The following MYO1E variants were observed in gnomAD, a reference collection of about 807,000 sequenced individuals.
MYO1E encodes unconventional myosin-Ie.
Under a neutral mutation model 151.1 loss-of-function variants are expected in MYO1E, and 68 were observed. The observed-to-expected ratio is 0.45, with a 90% CI of 0.37 to 0.55. The LOEUF (loss-of-function observed/expected upper bound fraction) is 0.55, where lower values mean the gene tolerates loss of function less well. Ranked by LOEUF, MYO1E falls within the 20% of genes least tolerant of loss-of-function variation. MYO1E has a pLI of 0.00. For missense variants in MYO1E, 1,363 were observed against 1,389.3 expected (o/e 0.98, Z 0.30); for synonymous variants, 601 against 501.7 (o/e 1.20, Z -2.64).
intron 1 of MYO1E, among the ~76,000 whole-genome samples, chr15:59,314,496 C>T (rs1399615272): frequency 2.0e-5 from 3 of 152,128 alleles, no homozygotes; most frequent in Non-Finnish European, 4.4e-5. Context: ...GCCACCCTGC[C>T]ACCTGGTCAC....
intron 12 of MYO1E, 67 bp from the exon 13 acceptor site, chr15:59,210,667 T>G: frequency 1.8e-6 from 2 of 1,097,798 alleles, no homozygotes; most frequent in South Asian, 2.5e-5. Flanking sequence ...GGACAGACCC[T>G]GAATGGACAA....
At chr15:59,275,931 C>G (rs189530943) in intron 1 of MYO1E, among the ~76,000 whole-genome samples, 115 of 152,268 alleles carry the variant, frequency 7.6e-4, no homozygotes, top group African/African-American at 2.5e-3. Flanking sequence ...TCCAGAGGCA[C>G]ACAGCCTCTG....
At chr15:59,208,013 C>A (rs2140338403) in intron 14 of MYO1E, 2 of 1,607,986 alleles carry the variant, frequency 1.2e-6, no homozygotes, top group East Asian at 2.2e-5. Context: ...ATAAAGCTGA[C>A]CCCTGAAGAA....
chr15:59,314,512 A>T (rs1432332106), intron 1 of MYO1E, among the ~76,000 whole-genome samples: 1 of 152,142 alleles, frequency 6.6e-6, no homozygotes, highest in African/African-American at 2.4e-5. Context: ...GTCACAGGAG[A>T]AGGCCTCTGA....
intron 13 of MYO1E, among the ~76,000 whole-genome samples, chr15:59,210,054 A>C (rs2079869425): frequency 6.6e-6 from 1 of 151,728 alleles, no homozygotes; most frequent in South Asian, 2.1e-4. Flanking sequence ...TGTGTTTAGA[A>C]ATAGGGTTTC....
At chr15:59,271,540 A>G (rs757244201) in intron 2 of MYO1E, among the ~76,000 whole-genome samples, 12 of 152,214 alleles carry the variant, frequency 7.9e-5, no homozygotes, top group Non-Finnish European at 1.5e-4. Context: ...AACTTAAGCA[A>G]ATATCACAGT....
Position 59,333,264 on chromosome 15 carries a change from G to C in MYO1E, c.3+39234C>G, listed in dbSNP as rs112046516. Among the ~76,000 whole-genome samples, 1,126 of 152,054 alleles carry C rather than the reference G, an allele frequency of 7.4e-3. 12 individuals are homozygous for C. The highest frequency in any genetic ancestry group is 0.023 in the African/African-American group (955 of 41,462). On this transcript the variant is annotated intron_variant, in intron 1 of 27. Transcript: ENST00000288235. ...TTTTTCTTTTTCTTTTTTGGAGACAGGGCCTCGCTCTGTTACCCAGGCTGG... is the reference window on the plus strand; with the variant it reads ...TTTTTCTTTTTCTTTTTTGGAGACACGGCCTCGCTCTGTTACCCAGGCTGG...
chr15:59,249,367 G>C (rs533505060), intron 4 of MYO1E, among the ~76,000 whole-genome samples: 1 of 151,016 alleles, frequency 6.6e-6, no homozygotes, highest in African/African-American at 2.4e-5. Context: ...AGAGGTTGCA[G>C]TGAGCTGAGA....
chr15:59,321,567 A>T (rs2140417066), intron 1 of MYO1E, among the ~76,000 whole-genome samples: 1 of 152,338 alleles, frequency 6.6e-6, no homozygotes, highest in Non-Finnish European at 1.5e-5. Flanking sequence ...TATCATAAGC[A>T]AATTAATGCA....
chr15:59,276,680 A>G (rs2080321295), intron 1 of MYO1E, among the ~76,000 whole-genome samples: 1 of 152,214 alleles, frequency 6.6e-6, no homozygotes, highest in African/African-American at 2.4e-5. Context: ...AACATTTAAG[A>G]GGTGGAACCC....
rs56164138 is a variant in MYO1E, at chr15:59,236,369, TACACACACACACACACACACACACAC to T, written c.420+190_420+215del. Among the ~76,000 whole-genome samples the T allele has an allele frequency of 0.041, 4,840 of 117,754 alleles. 280 individuals carry two copies. The highest frequency in any genetic ancestry group is 0.07 in the Middle Eastern group (16 of 228). 77.3% of individuals were successfully genotyped at this position (117,754 alleles called of 152,430 possible). ...TCAAAAAAGAAAAAAAAAAAATATATACACACACACACACACACACACACACACACACACACACACACACACACACA... is the reference window on the plus strand; with the variant it reads ...TCAAAAAAGAAAAAAAAAAAATATATACACACACACACACACACACACACA... On this transcript the variant is annotated intron_variant, in intron 5 of 27. Coordinates refer to ENST00000288235, the MANE Select transcript of MYO1E (RefSeq NM_004998.4).
rs1290267352 is a variant in MYO1E at position 59,216,594 on chromosome 15, G to GTATCTATCTATCTATCTATC, written c.1107+1277_1107+1296dup. Among the ~76,000 whole-genome samples, 350 of 100,454 alleles carry GTATCTATCTATCTATCTATC rather than the reference G, an allele frequency of 3.5e-3. 4 individuals are homozygous for GTATCTATCTATCTATCTATC. Among genetic ancestry groups the GTATCTATCTATCTATCTATC allele is most frequent in the African/African-American group, 0.012 (330 of 27,026 alleles). The allele number at this position is 100,454 out of a possible 152,430, so 65.9% of individuals were successfully genotyped here. A position where few individuals can be genotyped will look rare whatever the true frequency, so the allele number is the denominator to read the frequency against. ...TAAGAGTTTATGTGTGTGTGTGTGT[G>GTATCTATCTATCTATCTATC]TATCTATCTATCTATCTATCTATCT... On this transcript the variant is annotated intron_variant, in intron 10 of 27. Coordinates refer to ENST00000288235, the MANE Select transcript of MYO1E (RefSeq NM_004998.4).
rs1326421602 is a variant in MYO1E at position 59,308,573 on chromosome 15, G to A, written c.4-36124C>T. On this transcript the variant is annotated intron_variant, in intron 1 of 27. Coordinates refer to ENST00000288235, the MANE Select transcript of MYO1E (RefSeq NM_004998.4). ...TGTAATCCCAGCTACATGGGAGGCT[G>A]AGGCAGGAGAATCACTTGAACCCGG... Among the ~76,000 whole-genome samples, 4 of 152,092 alleles carry A rather than the reference G, an allele frequency of 2.6e-5. No individual in the cohort carries two copies. The East Asian group carries it at 7.7e-4, about 29-fold the overall frequency.
In MYO1E at chr15:59,319,550, C is replaced by CTTTTTTTTTTTTTTTTTTTTT. The variant is rs59491381; in HGVS notation, c.4-47122_4-47102dup. Among the ~76,000 whole-genome samples the CTTTTTTTTTTTTTTTTTTTTT allele has an allele frequency of 3.0e-4, 19 of 63,720 alleles. 2 individuals carry two copies. Among genetic ancestry groups the CTTTTTTTTTTTTTTTTTTTTT allele is most frequent in the South Asian group, 1.8e-3 (3 of 1,696 alleles). The allele number at this position is 63,720 out of a possible 152,430, so 41.8% of individuals were successfully genotyped here. ...AAGATAGGAAAAGAAGTCAAACTAC[C>CTTTTTTTTTTTTTTTTTTTTT]TTTTTTTTTTTTTTTTTTTTTTTTT... On this transcript the variant is annotated intron_variant, in intron 1 of 27. Coordinates refer to ENST00000288235, the MANE Select transcript of MYO1E (RefSeq NM_004998.4).
chr15:59,315,927 A>G (rs1416280785), intron 1 of MYO1E, among the ~76,000 whole-genome samples: 2 of 152,188 alleles, frequency 1.3e-5, no homozygotes, highest in Non-Finnish European at 1.5e-5. Flanking sequence ...ATAAGCTGCG[A>G]TCCATCAGCT....
intron 2 of MYO1E, among the ~76,000 whole-genome samples, chr15:59,264,508 G>T (rs1566995909): frequency 1.3e-5 from 2 of 152,178 alleles, no homozygotes; most frequent in African/African-American, 2.4e-5. Flanking sequence ...TTCCAAATAA[G>T]TATGTTCCCC....
intron 14 of MYO1E, chr15:59,207,356 A>G: frequency 6.2e-7 from 1 of 1,614,036 alleles, no homozygotes; most frequent in South Asian, 1.1e-5. Context: ...GCAAACTCCA[A>G]CCTAGTGATT....
chr15:59,167,791 C>T (rs1027869132), intron 22 of MYO1E, among the ~76,000 whole-genome samples: 3 of 152,188 alleles, frequency 2.0e-5, no homozygotes, highest in Admixed American at 6.5e-5. Context: ...ATTCTCCTGC[C>T]GCAGCCTCCT....
intron 1 of MYO1E, among the ~76,000 whole-genome samples, chr15:59,351,782 CAA>C (rs1472508025): frequency 6.6e-6 from 1 of 152,124 alleles, no homozygotes; most frequent in Non-Finnish European, 1.5e-5. Flanking sequence ...GAACAACAGA[CAA>C]AGACACTACT....
Sources: gnomAD v4.1 joint callset for allele counts (sites outside exome capture counted in the v4.1 genomes callset) on GRCh38, gnomAD v4.1.1 for gene constraint, MANE v1.5 for transcripts, NCBI Gene and HGNC (gene_info 2026-07-23, HGNC 2026-07-21) for gene names.